The following SORCS1 variants were observed in gnomAD, a reference collection of about 807,000 sequenced individuals.
SORCS1 encodes VPS10 domain-containing receptor SorCS1.
In SORCS1, 60 loss-of-function variants were observed where a neutral mutation model predicts 146.1. That is an observed-to-expected ratio of 0.41 (90% confidence interval 0.33 to 0.51). The LOEUF is 0.51. SORCS1 is among the 20% of genes least tolerant of loss of function. The probability of loss-of-function intolerance (pLI) is 0.21; values close to 1 mark genes in which losing one functional copy is unlikely to be tolerated. For missense variants in SORCS1, 1,352 were observed against 1,487.6 expected (o/e 0.91, Z 1.50); for synonymous variants, 637 against 584.0 (o/e 1.09, Z -1.31).
chr10:106,697,773 A>C (rs1853817303), intron 9 of SORCS1, among the ~76,000 whole-genome samples: 1 of 152,190 alleles, frequency 6.6e-6, no homozygotes, highest in African/African-American at 2.4e-5. Context: ...CTCAGAAATT[A>C]CTGGATTTGT....
chr10:106,672,502 C>T (rs1475063319), intron 15 of SORCS1, among the ~76,000 whole-genome samples: 1 of 152,168 alleles, frequency 6.6e-6, no homozygotes, highest in African/African-American at 2.4e-5. Flanking sequence ...TCTCTGCTTG[C>T]ATTGCTAGAT....
rs1207968394 is a variant in SORCS1 at position 107,060,822 on chromosome 10, G to A, written c.558+103147C>T. 6.6e-6 allele frequency among the ~76,000 whole-genome samples: 1 copy of A among 151,900 alleles called. No homozygotes were observed. The highest frequency in any genetic ancestry group is 6.6e-5 in the Admixed American group (1 of 15,238). On this transcript the variant is annotated intron_variant, in intron 1 of 25. Coordinates refer to ENST00000263054, the MANE Select transcript of SORCS1 (RefSeq NM_052918.5). The surrounding 1 kb of genome is among the most constrained non-coding windows in gnomAD (Gnocchi z 4.1). ...CTTTCTTTTCAATGAGATTTTTAAG[G>A]AGCTTTAAAAAATCATATTTTAGTT...
At chr10:106,930,092 T>TA (rs1040729947) in intron 2 of SORCS1, among the ~76,000 whole-genome samples, 3 of 151,752 alleles carry the variant, frequency 2.0e-5, no homozygotes, top group Admixed American at 1.3e-4. Context: ...TCATCCCTAC[T>TA]AAAAAAATAC....
chr10:107,117,038 AG>A (rs1966085806), intron 1 of SORCS1, among the ~76,000 whole-genome samples: 1 of 152,204 alleles, frequency 6.6e-6, no homozygotes, highest in Admixed American at 6.5e-5. Context: ...AGTTTAAAAA[AG>A]AAAATGAGAG....
chr10:107,072,626 T>G (rs984688989), intron 1 of SORCS1, among the ~76,000 whole-genome samples: 1 of 149,930 alleles, frequency 6.7e-6, no homozygotes, highest in Non-Finnish European at 1.5e-5. Flanking sequence ...TATACACACA[T>G]ATATAGACAC....
chr10:106,619,247 G>A (rs191950797), intron 20 of SORCS1, among the ~76,000 whole-genome samples: 20 of 152,290 alleles, frequency 1.3e-4, no homozygotes, highest in Non-Finnish European at 2.4e-4. Flanking sequence ...CTTCCGCTAT[G>A]GATAGAGGGC....
intron 5 of SORCS1, among the ~76,000 whole-genome samples, chr10:106,752,002 TG>T (rs959142709): frequency 1.3e-5 from 2 of 152,222 alleles, no homozygotes; most frequent in Non-Finnish European, 2.9e-5. Context: ...AGTTACTTAA[TG>T]GTAATAATGA....
Position 106,615,478 on chromosome 10 carries a change from G to T in SORCS1, c.2920+2671C>A, listed in dbSNP as rs78634686. 1.8e-3 allele frequency among the ~76,000 whole-genome samples: 271 copies of T among 152,186 alleles called. 1 individual carries two copies. The highest frequency in any genetic ancestry group is 6.8e-3 in the Middle Eastern group (2 of 294). On this transcript the variant is annotated intron_variant, in intron 21 of 25. Transcript: ENST00000263054. The stretch of plus-strand genomic sequence containing the variant: ...CAATCTTTCCTGTTTAACTTTGCCT[G>T]CTCCAACTTTTGTTTAAGGAGTCAC...
chr10:106,809,185 A>G (rs1947336371), intron 3 of SORCS1, among the ~76,000 whole-genome samples: 1 of 151,246 alleles, frequency 6.6e-6, no homozygotes, highest in Non-Finnish European at 1.5e-5. Context: ...GGGAGGGGCG[A>G]GAATGGGGAG....
intron 2 of SORCS1, among the ~76,000 whole-genome samples, chr10:106,934,334 T>C (rs1036413220): frequency 6.6e-6 from 1 of 152,032 alleles, no homozygotes; most frequent in African/African-American, 2.4e-5. Flanking sequence ...CTCAGATCAC[T>C]GCGAGCTCGG....
intron 1 of SORCS1, among the ~76,000 whole-genome samples, chr10:107,145,652 A>AG (rs1565102473): frequency 6.6e-6 from 1 of 152,250 alleles, no homozygotes; most frequent in Non-Finnish European, 1.5e-5. Flanking sequence ...AGTTGGCTAC[A>AG]GGGAAGTTTT....
intron 1 of SORCS1, among the ~76,000 whole-genome samples, chr10:106,976,164 T>C (rs967128292): frequency 6.8e-6 from 1 of 148,118 alleles, no homozygotes; most frequent in Non-Finnish European, 1.5e-5. Context: ...ATCTCCTCCA[T>C]GAAGCCTTCC....
intron 24 of SORCS1, among the ~76,000 whole-genome samples, chr10:106,587,383 C>T: frequency 6.6e-6 from 1 of 152,230 alleles, no homozygotes; most frequent in East Asian, 1.9e-4. Flanking sequence ...GTTCAGAGTT[C>T]CACAACTCCT....
intron 2 of SORCS1, among the ~76,000 whole-genome samples, chr10:106,938,025 G>T (rs1214125623): frequency 4.0e-5 from 6 of 149,870 alleles, no homozygotes; most frequent in Non-Finnish European, 8.9e-5. Context: ...ACCAGTTGAA[G>T]AAAATGAGGT....
intron 16 of SORCS1, among the ~76,000 whole-genome samples, chr10:106,669,063 A>G (rs553981720): frequency 1.4e-3 from 212 of 152,236 alleles, no homozygotes; most frequent in African/African-American, 4.9e-3. Context: ...TTCATGATTC[A>G]TTTCCCACTT....
At chr10:106,696,600 C>T (rs998433797) in intron 9 of SORCS1, among the ~76,000 whole-genome samples, 1 of 152,146 alleles carries the variant, frequency 6.6e-6, no homozygotes, top group Admixed American at 6.6e-5. Context: ...TAAGAGCCAG[C>T]AGTTTCCCTA....
At chr10:106,769,416 C>T (rs958881129) in intron 4 of SORCS1, among the ~76,000 whole-genome samples, 1 of 144,666 alleles carries the variant, frequency 6.9e-6, no homozygotes, top group African/African-American at 2.6e-5. Flanking sequence ...AGCCAGGAGG[C>T]GGAGGTTACA....
At chr10:106,977,542 T>C (rs1379527656) in intron 1 of SORCS1, among the ~76,000 whole-genome samples, 1 of 151,848 alleles carries the variant, frequency 6.6e-6, no homozygotes, top group Admixed American at 6.6e-5. Context: ...CTATTATGAC[T>C]GAAGCAAATT....
chr10:106,701,785 C>G (rs1256459142), intron 8 of SORCS1, among the ~76,000 whole-genome samples: 2 of 152,202 alleles, frequency 1.3e-5, no homozygotes, highest in Non-Finnish European at 2.9e-5. Context: ...GAATGAAACT[C>G]TGTGTCTCAT....
Sources: allele counts gnomAD v4.1 joint callset (sites outside exome capture counted in the v4.1 genomes callset), GRCh38; gene constraint gnomAD v4.1.1; non-coding constraint Gnocchi (gnomAD v3.1); transcripts MANE v1.5; gene names NCBI Gene and HGNC (gene_info 2026-07-23, HGNC 2026-07-21).